The following POLRMT variants were observed in gnomAD, a reference collection of about 807,000 sequenced individuals.
POLRMT encodes DNA-directed RNA polymerase, mitochondrial.
POLRMT carries 114 observed loss-of-function variants against 132.2 expected under a neutral mutation model. The ratio of observed to expected loss-of-function variants is 0.86; its 90% CI spans 0.74 to 1.01. The LOEUF (loss-of-function observed/expected upper bound fraction) is 1.01, where lower values mean the gene tolerates loss of function less well. POLRMT is among the 50% of genes least tolerant of loss of function. The pLI, the probability that POLRMT is intolerant of heterozygous loss-of-function variation, is 0.00. For synonymous variants in POLRMT, 1,020 were observed against 773.4 expected, an observed-to-expected ratio of 1.32 and a Z score of -5.29; for missense variants, 2,003 against 1,729.1, an observed-to-expected ratio of 1.16 and a Z score of -2.81.
intron 1 of POLRMT, 152 bp downstream of exon 1, chr19:633,273 G>T: frequency 1.0e-6 from 1 of 990,954 alleles, no homozygotes; most frequent in Non-Finnish European, 1.4e-6. Context: ...GTCGAAAAGC[G>T]GGCAAGGGCG....
chr19:618,732 G>A lies in POLRMT; in HGVS notation c.3296C>T (p.Thr1099Ile). 1 of 1,607,146 alleles carries A rather than the reference G, an allele frequency of 6.2e-7. No individual in the cohort carries two copies. The highest frequency in any genetic ancestry group is 1.1e-5 in the South Asian group (1 of 90,186). Residue 1099 changes from threonine (T) to isoleucine (I), a missense_variant, in exon 16 of 21, where the codon ACC (threonine) becomes ATC (isoleucine). Coordinates refer to ENST00000588649, the MANE Select transcript of POLRMT (RefSeq NM_005035.4). ...KQIGGGIQSI[T>I]YTHNGDISRK... Reference sequence around the variant, plus strand: ...GCTGATGTCTCCGTTGTGGGTGTAGGTGATGCTCTGAATTCCACCTCCTAT... The same window carrying A: ...GCTGATGTCTCCGTTGTGGGTGTAGATGATGCTCTGAATTCCACCTCCTAT...
intron 6 of POLRMT, 63 bp from the exon 7 acceptor site, chr19:623,048 C>T (rs1984754508): frequency 5.8e-6 from 9 of 1,561,918 alleles, no homozygotes; most frequent in South Asian, 3.5e-5. Context: ...GCTCACAGGA[C>T]GGGGGTCACC....
chr19:626,884 T>TACACACACACACAC (rs1290099212), intron 3 of POLRMT, among the ~76,000 whole-genome samples: 18 of 95,294 alleles, frequency 1.9e-4, no homozygotes, highest in African/African-American at 3.2e-4. Context: ...TGTCTTAAAA[T>TACACACACACACAC]ATACACACAC....
intron 9 of POLRMT, 137 bp downstream of exon 9, chr19:622,012 C>T (rs990759105): frequency 1.1e-5 from 13 of 1,141,604 alleles, no homozygotes; most frequent in African/African-American, 6.2e-5. Flanking sequence ...TGCATGGACA[C>T]CCATGGTGTG....
intron 12 of POLRMT, 94 bp from the exon 13 acceptor site, chr19:619,859 A>G: frequency 6.4e-7 from 1 of 1,567,252 alleles, no homozygotes; most frequent in Non-Finnish European, 8.6e-7. Flanking sequence ...GCCCCACCAC[A>G]TCCTCAGGAC....
At chr19:622,019 T>C (rs1192467496) in intron 9 of POLRMT, 130 bp downstream of exon 9, 30 of 1,134,298 alleles carry the variant, frequency 2.6e-5, no homozygotes, top group Non-Finnish European at 3.6e-5. Context: ...ACACCCATGG[T>C]GTGTCCCGAG....
Position 621,435 on chromosome 19 carries a change from T to TGCGG in POLRMT, c.2259_2262dup (p.Lys755ProfsTer8), listed in dbSNP as rs1252717941. The TGCGG allele has an allele frequency of 2.3e-5, 34 of 1,458,938 alleles. No homozygotes were observed. The highest frequency in any genetic ancestry group is 2.6e-5 in the Non-Finnish European group (29 of 1,110,646). The allele number at this position is 1,458,938 out of a possible 1,614,324, so 90.4% of individuals were successfully genotyped here. ...GCCAGCTCACGGCGCAGCTCGGCCT[T>TGCGG]GCGGGCGGGCGCGGCGCTGTGCGGC... is the stretch of plus-strand genomic sequence containing the variant. On this transcript the variant is annotated frameshift_variant, in exon 10 of 21. Coordinates refer to ENST00000588649, the MANE Select transcript of POLRMT (RefSeq NM_005035.4). LOFTEE classifies it high-confidence loss of function.
In POLRMT at chr19:618,751, C is replaced by A; in HGVS notation, c.3277G>T (p.Gly1093Cys). The A allele has an allele frequency of 6.2e-7, 1 of 1,602,238 alleles. No individual in the cohort carries two copies. Among genetic ancestry groups the A allele is most frequent in the Admixed American group, 1.7e-5 (1 of 58,598 alleles). Residue 1093 changes from glycine (G) to cysteine (C), a missense_variant, in exon 16 of 21, where the codon GGT (glycine) becomes TGT (cysteine). Gly to Cys is a radical substitution (Grantham distance 159). Coordinates refer to ENST00000588649, the MANE Select transcript of POLRMT (RefSeq NM_005035.4). ...GTGTAGGTGATGCTCTGAATTCCAC[C>A]TCCTATTTGCTAAAAAGGGGAAGGG... The part of the protein sequence containing the change: ...RLDSKVKQIG[G>C]GIQSITYTHN...
intron 3 of POLRMT, among the ~76,000 whole-genome samples, chr19:629,286 G>A (rs1017599840): frequency 1.3e-5 from 2 of 151,990 alleles, no homozygotes; most frequent in African/African-American, 4.8e-5. Context: ...CCCCTGCCCA[G>A]ACAGATTCAC....
rs1357184509 is a variant in POLRMT at position 618,524 on chromosome 19, G to A, written c.3386C>T (p.Ser1129Phe). Reference protein sequence around the residue: ...FPPNFIHSLDSSHMMLTALHC... With the variant: ...FPPNFIHSLDFSHMMLTALHC... ...CAGGGCGGTGAGCATCATGTGGGAG[G>A]AGTCCAGCGAGTGGATGAAGTTGGG... Residue 1129 changes from serine to phenylalanine, a missense_variant, in exon 17 of 21, where the codon TCC (serine) becomes TTC (phenylalanine). By Grantham distance (155) the Ser-to-Phe change is radical (BLOSUM62 -2). Transcript: ENST00000588649. The A allele has an allele frequency of 5.6e-6, 9 of 1,613,136 alleles. No individual in the cohort carries two copies. Among genetic ancestry groups the A allele is most frequent in the South Asian group, 1.1e-5 (1 of 90,984 alleles).
In POLRMT at chr19:619,291, G is replaced by T; in HGVS notation, c.3072C>A (p.Phe1024Leu). The T allele has an allele frequency of 1.2e-6, 2 of 1,608,170 alleles. 1 individual carries two copies. Among genetic ancestry groups the T allele is most frequent in the South Asian group, 2.2e-5 (2 of 90,762 alleles). The change falls in exon 14 of 21, where the codon TTC (phenylalanine) becomes TTA (leucine). Residue 1024 changes from phenylalanine to leucine, a missense_variant. Coordinates refer to ENST00000588649, the MANE Select transcript of POLRMT (RefSeq NM_005035.4). The part of the protein sequence containing the change: ...LRELSDFPQE[F>L]VWEASHYLVR... ...CGAGATAGTGAGAGGCCTCCCACAC[G>T]AACTCCTGCAGAGGGCGGGCAGCAG...
Position 630,135 on chromosome 19 carries a change from T to C in POLRMT, c.227A>G (p.Glu76Gly), listed in dbSNP as rs748728367. 1.9e-6 allele frequency: 3 copies of C among 1,606,458 alleles called. No individual in the cohort carries two copies. The highest frequency in any genetic ancestry group is 4.5e-5 in the East Asian group (2 of 44,708). ...GTTCACCACCACCTCCGACACGCTC[T>C]CAGCCTGCAGCTGCCGCACCCGCGC... ...LQARVRQLQA[E>G]SVSEVVVNRV... Residue 76 changes from glutamate to glycine, a missense_variant, in exon 3 of 21, where the codon GAG (glutamate) becomes GGG (glycine). Glu to Gly is a moderately conservative substitution (Grantham distance 98). Transcript: ENST00000588649.
intron 1 of POLRMT, 100 bp from the exon 2 acceptor site, chr19:633,038 C>T (rs1002158371): frequency 4.8e-6 from 4 of 826,306 alleles, no homozygotes; most frequent in Non-Finnish European, 7.1e-6. Flanking sequence ...GAGCCCTAAA[C>T]GCAGCGGAAA....
rs769743605 is a variant in POLRMT at position 633,530 on chromosome 19, G to GCGCCGCCGCCGCCGCCGCCGCCGCCGCCA, written c.-19_-18insTGGCGGCGGCGGCGGCGGCGGCGGCGGCG. 3 of 1,319,366 alleles carry GCGCCGCCGCCGCCGCCGCCGCCGCCGCCA rather than the reference G, an allele frequency of 2.3e-6. No individual in the cohort carries two copies. The African/African-American group carries it at 1.1e-4, about 49-fold the overall frequency. The allele number at this position is 1,319,366 out of a possible 1,614,324, so 81.7% of individuals were successfully genotyped here. A position where few individuals can be genotyped will look rare whatever the true frequency, so the allele number is the denominator to read the frequency against. On this transcript the variant is annotated 5_prime_UTR_variant, in exon 1 of 21. Coordinates refer to ENST00000588649, the MANE Select transcript of POLRMT (RefSeq NM_005035.4). Reference sequence around the variant, plus strand: ...GCCGACATTACGCACGCCGCTCCAGGCCACCCCACCGGCCCGCGCCTGCGC... The same window carrying GCGCCGCCGCCGCCGCCGCCGCCGCCGCCA: ...GCCGACATTACGCACGCCGCTCCAGGCGCCGCCGCCGCCGCCGCCGCCGCCGCCACCACCCCACCGGCCCGCGCCTGCGC...
chr19:624,404 G>C (rs1984865839), intron 5 of POLRMT, among the ~76,000 whole-genome samples: 2 of 152,174 alleles, frequency 1.3e-5, no homozygotes, highest in Admixed American at 6.5e-5. Context: ...TTTTATGGCA[G>C]GTGAATTACA....
At chr19:617,549 T>C (rs763945307) in intron 19 of POLRMT, 21 bp downstream of exon 19, 7 of 1,610,654 alleles carry the variant, frequency 4.3e-6, no homozygotes, top group Non-Finnish European at 5.9e-6. Flanking sequence ...TCCAGGTAGT[T>C]GGGGTCAGGG....
In POLRMT at chr19:621,465, G is replaced by A. The variant is rs1221174093; in HGVS notation, c.2233C>T (p.His745Tyr). 9.5e-6 allele frequency: 13 copies of A among 1,371,084 alleles called. No homozygotes were observed. The South Asian group carries it at 1.8e-4, about 19-fold the overall frequency. 84.9% of individuals were successfully genotyped at this position (1,371,084 alleles called of 1,614,324 possible). ...GCGGGCGCGGCGCTGTGCGGCAGGTGGGCCTCGGGCGGCTGGGGCGCCTCG... is the reference window on the plus strand; with the variant it reads ...GCGGGCGCGGCGCTGTGCGGCAGGTAGGCCTCGGGCGGCTGGGGCGCCTCG... ...PSEAPQPPEA[H>Y]LPHSAAPARK... The change falls in exon 10 of 21, where the codon CAC (histidine) becomes TAC (tyrosine). Residue 745 changes from histidine (H) to tyrosine (Y), a missense_variant. His to Tyr is a moderately conservative substitution (Grantham distance 83). Coordinates refer to ENST00000588649, the MANE Select transcript of POLRMT (RefSeq NM_005035.4).
chr19:632,413 C>T (rs1429988634), intron 2 of POLRMT, among the ~76,000 whole-genome samples: 3 of 152,194 alleles, frequency 2.0e-5, no homozygotes, highest in Non-Finnish European at 2.9e-5. Context: ...CTGGGCTGTC[C>T]CTCCCAAGTT....
chr19:632,821 G>C lies in POLRMT; in HGVS notation c.193+13C>G. On this transcript the variant is annotated intron_variant, in intron 2 of 20. Transcript: ENST00000588649. ...ACTCTCCTCTCCCGGGCCGCCGTGG[G>C]GGTCGCGCTCACCCTCCAGCAGCTC... 6.5e-7 allele frequency: 1 copy of C among 1,530,648 alleles called. No individual in the cohort carries two copies. Among genetic ancestry groups the C allele is most frequent in the Non-Finnish European group, 8.8e-7 (1 of 1,140,572 alleles). The allele number at this position is 1,530,648 out of a possible 1,614,324, so 94.8% of individuals were successfully genotyped here.
Sources: allele counts gnomAD v4.1 joint callset (sites outside exome capture counted in the v4.1 genomes callset), GRCh38; gene constraint gnomAD v4.1.1; transcripts MANE v1.5; gene names NCBI Gene and HGNC (gene_info 2026-07-23, HGNC 2026-07-21).